Variants in HFM1 observed in about 807,000 individuals in gnomAD.
HFM1 encodes probable ATP-dependent DNA helicase HFM1.
Under a neutral mutation model 192.1 loss-of-function variants are expected in HFM1, and 169 were observed. The observed-to-expected ratio is 0.88, with a 90% CI of 0.78 to 1.00. The LOEUF is 1.00. Among genes scored for constraint, HFM1 ranks in the 50% least tolerant of loss-of-function variants. The probability of loss-of-function intolerance (pLI) is 0.00; values close to 1 mark genes in which losing one functional copy is unlikely to be tolerated. For missense variants in HFM1, 1,661 were observed against 1,668.0 expected (o/e 1.00, Z 0.07); for synonymous variants, 525 against 537.8 (o/e 0.98, Z 0.33).
chr1:91,280,224 G>C (rs1384267154), intron 30 of HFM1, among the ~76,000 whole-genome samples: 3 of 152,176 alleles, frequency 2.0e-5, no homozygotes, highest in Non-Finnish European at 2.9e-5. Flanking sequence ...ACTGAAGAAA[G>C]AAGGGAAGTT....
At chr1:91,331,835 G>A (rs993088237) in intron 20 of HFM1, among the ~76,000 whole-genome samples, 3 of 152,218 alleles carry the variant, frequency 2.0e-5, no homozygotes, top group Admixed American at 6.5e-5. Context: ...GGCAGAGGTT[G>A]CAGTGAGCCA....
chr1:91,274,073 T>C (rs943100126), intron 33 of HFM1, among the ~76,000 whole-genome samples: 1 of 152,092 alleles, frequency 6.6e-6, no homozygotes, highest in Non-Finnish European at 1.5e-5. Context: ...AGTCAGTTCC[T>C]GTTCTGTACT....
In HFM1 at chr1:91,330,847, C is replaced by T. The variant is rs76723569; in HGVS notation, c.2336-6081G>A. On this transcript the variant is annotated intron_variant, in intron 20 of 38. Coordinates refer to ENST00000370425, the MANE Select transcript of HFM1 (RefSeq NM_001017975.6). ...TCCCAGGGATGCAAGGATAGTTCAA[C>T]GTATACAAATCAACCAATGTGATAC... Among the ~76,000 whole-genome samples the T allele has an allele frequency of 2.7e-3, 404 of 152,226 alleles. 4 individuals carry two copies. Among genetic ancestry groups the T allele is most frequent in the East Asian group, 0.023 (117 of 5,174 alleles).
chr1:91,326,545 A>G (rs1011911653), intron 20 of HFM1, among the ~76,000 whole-genome samples: 2 of 152,228 alleles, frequency 1.3e-5, no homozygotes, highest in Non-Finnish European at 2.9e-5. Context: ...AGGAGAAATA[A>G]AGAGCTTCCT....
At chr1:91,381,157 C>T (rs1013026448) in intron 6 of HFM1, among the ~76,000 whole-genome samples, 175 bp from the exon 7 acceptor site, 4 of 152,212 alleles carry the variant, frequency 2.6e-5, no homozygotes, top group African/African-American at 9.6e-5. Flanking sequence ...TCTCCAGTCA[C>T]ACTCCATATT....
intron 28 of HFM1, among the ~76,000 whole-genome samples, chr1:91,314,448 G>A (rs1650914596): frequency 6.6e-6 from 1 of 151,998 alleles, no homozygotes; most frequent in African/African-American, 2.4e-5. Flanking sequence ...TGTAGAAATA[G>A]GGTCTCACTT....
chr1:91,393,959 G>A (rs561678730), intron 4 of HFM1, 134 bp downstream of exon 4: 2 of 532,024 alleles, frequency 3.8e-6, no homozygotes, highest in African/African-American at 3.9e-5. Context: ...CAGGAATGGA[G>A]AAAGTAAGGA....
intron 23 of HFM1, among the ~76,000 whole-genome samples, chr1:91,320,907 G>C (rs1334319373): frequency 6.6e-6 from 1 of 152,292 alleles, no homozygotes; most frequent in Admixed American, 6.5e-5. Context: ...AATTAAATGA[G>C]ATAAAGTATT....
intron 14 of HFM1, 23 bp from the exon 15 acceptor site, chr1:91,353,175 G>A: frequency 2.6e-6 from 4 of 1,554,952 alleles, no homozygotes; most frequent in Non-Finnish European, 2.7e-6. Context: ...TATATCAGCT[G>A]TTACTATTAA....
chr1:91,355,041 A>G (rs1455726959), intron 13 of HFM1, among the ~76,000 whole-genome samples: 1 of 152,182 alleles, frequency 6.6e-6, no homozygotes, highest in Non-Finnish European at 1.5e-5. Context: ...TGAGTTGTTA[A>G]GGAATACTGA....
intron 11 of HFM1, among the ~76,000 whole-genome samples, chr1:91,377,131 T>C (rs1660998972): frequency 6.6e-6 from 1 of 151,864 alleles, no homozygotes; most frequent in Non-Finnish European, 1.5e-5. Context: ...GATTCCTACA[T>C]GCTTACAAAA....
chr1:91,317,162 C>A (rs1651364299), intron 25 of HFM1, among the ~76,000 whole-genome samples: 1 of 152,152 alleles, frequency 6.6e-6, no homozygotes, highest in Admixed American at 6.5e-5. Flanking sequence ...CACCTGTAAT[C>A]CCAGCACTTT....
intron 30 of HFM1, among the ~76,000 whole-genome samples, chr1:91,285,979 C>A (rs1667930626): frequency 6.6e-6 from 1 of 152,132 alleles, no homozygotes; most frequent in East Asian, 1.9e-4. Context: ...TTCAAGTAAC[C>A]CTTGTTTTAC....
In HFM1 at chr1:91,279,402, C is replaced by G. The variant is rs149136736; in HGVS notation, c.3392-2340G>C. On this transcript the variant is annotated intron_variant, in intron 30 of 38. Coordinates refer to ENST00000370425, the MANE Select transcript of HFM1 (RefSeq NM_001017975.6). ...CTGTTACCTCTCACTTAGATCAGAA[C>G]TGGTTTCTTTGAATCCAGTCCTCCA... 4.2e-3 allele frequency among the ~76,000 whole-genome samples: 632 copies of G among 152,274 alleles called. 6 individuals are homozygous for G. Among genetic ancestry groups the G allele is most frequent in the African/African-American group, 0.015 (611 of 41,552 alleles).
rs116139779 is a variant in HFM1 at position 91,269,230 on chromosome 1, C to T, written c.3773-1375G>A. ...GTTGGGAAAAAATGCACGACAGAAC[C>T]CTATAATATAGTATTTCTACCATAT... On this transcript the variant is annotated intron_variant, in intron 34 of 38. Coordinates refer to ENST00000370425, the MANE Select transcript of HFM1 (RefSeq NM_001017975.6). Among the ~76,000 whole-genome samples, 718 of 151,946 alleles carry T rather than the reference C, an allele frequency of 4.7e-3. 5 individuals are homozygous for T. Among genetic ancestry groups the T allele is most frequent in the Non-Finnish European group, 7.9e-3 (535 of 67,912 alleles).
At position 91,322,930 on chromosome 1, in the gene HFM1, T is replaced by A; in HGVS notation, c.2582+20A>T. 8.7e-7 allele frequency: 1 copy of A among 1,149,364 alleles called. No homozygotes were observed. Among genetic ancestry groups the A allele is most frequent in the East Asian group, 2.9e-5 (1 of 34,996 alleles). 71.2% of individuals were successfully genotyped at this position (1,149,364 alleles called of 1,614,324 possible). A position where few individuals can be genotyped will look rare whatever the true frequency, so the allele number is the denominator to read the frequency against. On this transcript the variant is annotated intron_variant, in intron 23 of 38. Transcript: ENST00000370425. ...TAAAACCAAAAAAAGAAAACTTTCA[T>A]AAGTATGAATCATCTTTACCAATTT...
At chr1:91,332,468 G>T (rs531157880) in intron 20 of HFM1, among the ~76,000 whole-genome samples, 68 of 152,210 alleles carry the variant, frequency 4.5e-4, no homozygotes, top group African/African-American at 1.6e-3. Flanking sequence ...ATGGATTAAA[G>T]ACTTAAATCT....
At chr1:91,307,070 T>C (rs35877090) in intron 30 of HFM1, among the ~76,000 whole-genome samples, 1 of 152,148 alleles carries the variant, frequency 6.6e-6, no homozygotes, top group Non-Finnish European at 1.5e-5. Context: ...TTGTTACTTG[T>C]GTTTTCTTTC....
intron 19 of HFM1, among the ~76,000 whole-genome samples, chr1:91,344,893 T>G (rs545128201): frequency 2.0e-5 from 3 of 151,752 alleles, no homozygotes; most frequent in African/African-American, 4.8e-5. Context: ...ACTACAGGCA[T>G]GTACCACCAC....
Sources: allele counts gnomAD v4.1 joint callset (sites outside exome capture counted in the v4.1 genomes callset), GRCh38; gene constraint gnomAD v4.1.1; transcripts MANE v1.5; gene names NCBI Gene and HGNC (gene_info 2026-07-23, HGNC 2026-07-21).